The following CELF6 variants were observed in gnomAD, a reference collection of about 807,000 sequenced individuals.
The protein encoded by CELF6 is Bruno -like 6, RNA binding protein.
CELF6 carries 32 observed loss-of-function variants against 53.1 expected under a neutral mutation model. The ratio of observed to expected loss-of-function variants is 0.60; its 90% confidence interval spans 0.46 to 0.81. CELF6 has a LOEUF of 0.81. Ranked by LOEUF, CELF6 falls within the 30% of genes least tolerant of loss-of-function variation. CELF6 has a pLI of 0.00. For missense variants in CELF6, 539 were observed against 669.5 expected (o/e 0.81, Z 2.15); for synonymous variants, 291 against 288.8 (o/e 1.01, Z -0.08).
intron 2 of CELF6, among the ~76,000 whole-genome samples, chr15:72,309,440 G>C (rs2088269533): frequency 6.6e-6 from 1 of 152,206 alleles, no homozygotes; most frequent in African/African-American, 2.4e-5. Context: ...GTGGACCCGG[G>C]AAGAGGAGGG....
At position 72,319,498 on chromosome 15, in the gene CELF6, G is replaced by A; in HGVS notation, c.262+115C>T. The stretch of plus-strand genomic sequence containing the variant: ...AAGGGGGCTGGGCTGAGGTGGGGCT[G>A]ATATTGGACTGGTGTTGGACTGGCT... On this transcript the variant is annotated intron_variant, in intron 1 of 12. Transcript: ENST00000287202. This position sits in a 1 kb window ranked among gnomAD's most constrained non-coding sequence, Gnocchi z 5.0. 8.7e-7 allele frequency: 1 copy of A among 1,154,714 alleles called. No individual in the cohort carries two copies. The highest frequency in any genetic ancestry group is 2.7e-5 in the East Asian group (1 of 37,220). The allele number at this position is 1,154,714 out of a possible 1,614,324, so 71.5% of individuals were successfully genotyped here.
Position 72,304,738 on chromosome 15 carries a change from G to A in CELF6, c.394+8C>T, listed in dbSNP as rs757365450. The A allele has an allele frequency of 8.7e-6, 14 of 1,614,026 alleles. No individual in the cohort carries two copies. Among genetic ancestry groups the A allele is most frequent in the Non-Finnish European group, 1.1e-5 (13 of 1,179,888 alleles). On this transcript the variant is annotated splice_region_variant and intron_variant, in intron 3 of 12. Transcript: ENST00000287202. ...TGCAGCCTGAGGTTGGTCAGACAGGGAAGTTACCTCCTCGGCCCTCACTGG... is the reference window on the plus strand; with the variant it reads ...TGCAGCCTGAGGTTGGTCAGACAGGAAAGTTACCTCCTCGGCCCTCACTGG...
rs545299969 is a variant in CELF6, at chr15:72,320,065, G to T, written c.-191C>A. The T allele has an allele frequency of 3.8e-5, 24 of 627,014 alleles. No homozygotes were observed. The African/African-American group carries it at 4.0e-4, about 10-fold the overall frequency. 38.8% of individuals were successfully genotyped at this position (627,014 alleles called of 1,614,324 possible). A position where few individuals can be genotyped will look rare whatever the true frequency, so the allele number is the denominator to read the frequency against. On this transcript the variant is annotated 5_prime_UTR_variant, in exon 1 of 13. Transcript: ENST00000287202. The stretch of plus-strand genomic sequence containing the variant: ...GGGCGGGCAGGAAAGGGGCGGGGCC[G>T]GGGCGGGGCGGGCCCGGGCCGAGGT...
intron 12 of CELF6, among the ~76,000 whole-genome samples, chr15:72,286,603 C>T (rs2087925683): frequency 6.6e-6 from 1 of 152,214 alleles, no homozygotes; most frequent in Non-Finnish European, 1.5e-5. Flanking sequence ...TGAGGCAGGG[C>T]CATGTGGGCC....
chr15:72,287,184 G>T, intron 12 of CELF6, 53 bp downstream of exon 12: 1 of 1,522,136 alleles, frequency 6.6e-7, no homozygotes, highest in Non-Finnish European at 8.9e-7. Flanking sequence ...CATCAAAGCT[G>T]GGAGGGCCTC....
chr15:72,320,004 G>A lies in CELF6; in HGVS notation c.-130C>T. ...GCGGAGAGGGCGGGGGGCTGCCCAG[G>A]GGGCGGGGTCCGGGTGGAGGGGCGT... On this transcript the variant is annotated 5_prime_UTR_variant, in exon 1 of 13. Coordinates refer to ENST00000287202, the MANE Select transcript of CELF6 (RefSeq NM_052840.5). The A allele has an allele frequency of 9.7e-7, 1 of 1,026,340 alleles. No homozygotes were observed. Among genetic ancestry groups the A allele is most frequent in the Non-Finnish European group, 1.4e-6 (1 of 730,722 alleles). The allele number at this position is 1,026,340 out of a possible 1,614,324, so 63.6% of individuals were successfully genotyped here. A position where few individuals can be genotyped will look rare whatever the true frequency, so the allele number is the denominator to read the frequency against.
In CELF6 at chr15:72,300,079, G is replaced by T. The variant is rs972822963; in HGVS notation, c.394+4667C>A. ...TTAAAAGTAATACAACAGGGGCCGG[G>T]CACGGTGGTTCTTGCCTGTAATCCC... On this transcript the variant is annotated intron_variant, in intron 3 of 12. Coordinates refer to ENST00000287202, the MANE Select transcript of CELF6 (RefSeq NM_052840.5). Among the ~76,000 whole-genome samples the T allele has an allele frequency of 2.0e-5, 3 of 152,296 alleles. 1 individual carries two copies. In the South Asian group the frequency reaches 6.2e-4, roughly 32 times the overall value.
intron 1 of CELF6, among the ~76,000 whole-genome samples, chr15:72,316,728 C>T (rs2088368582): frequency 6.6e-6 from 1 of 152,192 alleles, no homozygotes; most frequent in South Asian, 2.1e-4. Flanking sequence ...CTAGGAAGCA[C>T]TGAAGCAGCA....
In CELF6 at chr15:72,289,487, G is replaced by C; in HGVS notation, c.768C>G (p.Ala256=). The change falls in exon 7 of 13, where the codon GCC becomes GCG. Residue 256 remains alanine (A), a synonymous_variant. Coordinates refer to ENST00000287202, the MANE Select transcript of CELF6 (RefSeq NM_052840.5). This position sits in a 1 kb window ranked among gnomAD's most constrained non-coding sequence, Gnocchi z 7.6. ...YTTAILQHQA[A]LLAAAQGPGL... Reference sequence around the variant, plus strand: ...CTGGGCCCTGTGCCGCCGCCAGCAGGGCCGCCTGGTGCTGCAGGATCTTTG... The same window carrying C: ...CTGGGCCCTGTGCCGCCGCCAGCAGCGCCGCCTGGTGCTGCAGGATCTTTG... 1 of 1,526,820 alleles carries C rather than the reference G, an allele frequency of 6.5e-7. No individual in the cohort carries two copies. 94.6% of individuals were successfully genotyped at this position (1,526,820 alleles called of 1,614,324 possible). A position where few individuals can be genotyped will look rare whatever the true frequency, so the allele number is the denominator to read the frequency against.
At chr15:72,287,718 G>C (rs1465716978) in intron 11 of CELF6, among the ~76,000 whole-genome samples, 1 of 152,188 alleles carries the variant, frequency 6.6e-6, no homozygotes, top group Non-Finnish European at 1.5e-5. Flanking sequence ...AGTTGGAGGG[G>C]ATCTTTGGTC....
chr15:72,313,662 A>C (rs1189342868), intron 2 of CELF6: 19 of 637,326 alleles, frequency 3.0e-5, no homozygotes, highest in Non-Finnish European at 3.7e-5. Context: ...TTTCACACCC[A>C]CCTGTTCCTT....
At chr15:72,290,413 A>G (rs753401822) in intron 3 of CELF6, among the ~76,000 whole-genome samples, 158 bp from the exon 4 acceptor site, 4 of 152,062 alleles carry the variant, frequency 2.6e-5, no homozygotes, top group Non-Finnish European at 5.9e-5. Flanking sequence ...ATTGAGGGGC[A>G]GGATCTGGGG....
In CELF6 at chr15:72,289,204, T is replaced by A. The variant is rs1327396168; in HGVS notation, c.964A>T (p.Thr322Ser). 1.9e-6 allele frequency: 3 copies of A among 1,568,620 alleles called. No individual in the cohort carries two copies. Among genetic ancestry groups the A allele is most frequent in the Non-Finnish European group, 2.6e-6 (3 of 1,165,894 alleles). ...PIGVNGFGPLTPQTNGQPGSD... is the reference protein window; with the variant it reads ...PIGVNGFGPLSPQTNGQPGSD... ...CCCGGCTGGCCATTGGTCTGGGGGG[T>A]CAGAGGGCCGAATCCATTGACCCCG... Residue 322 changes from threonine to serine, a missense_variant, in exon 8 of 13, where the codon ACC becomes TCC. Thr to Ser is a moderately conservative substitution (Grantham distance 58). Coordinates refer to ENST00000287202, the MANE Select transcript of CELF6 (RefSeq NM_052840.5). The surrounding 1 kb of genome is among the most constrained non-coding windows in gnomAD (Gnocchi z 7.6).
intron 3 of CELF6, chr15:72,292,177 A>G: frequency 1.3e-6 from 2 of 1,521,104 alleles, no homozygotes; most frequent in Non-Finnish European, 1.8e-6. Flanking sequence ...GCTCCAAGGA[A>G]AGCCCTTTGA....
At chr15:72,302,624 C>T (rs2088173978) in intron 3 of CELF6, among the ~76,000 whole-genome samples, 1 of 152,174 alleles carries the variant, frequency 6.6e-6, no homozygotes, top group Non-Finnish European at 1.5e-5. Flanking sequence ...GCATGGAGGC[C>T]CCCTTTGTGC....
chr15:72,296,071 A>T (rs926736784), intron 3 of CELF6, among the ~76,000 whole-genome samples: 4 of 152,146 alleles, frequency 2.6e-5, no homozygotes, highest in Non-Finnish European at 4.4e-5. Flanking sequence ...CCAGAAATAA[A>T]CTCTCTTACA....
intron 2 of CELF6, chr15:72,313,754 G>T (rs918953537): frequency 1.0e-6 from 1 of 981,716 alleles, no homozygotes; most frequent in Non-Finnish European, 1.2e-6. Context: ...AGAAGCAGAA[G>T]TCATTTGCTC....
chr15:72,288,523 C>T lies in CELF6; in HGVS notation c.1174+15G>A. The T allele has an allele frequency of 1.9e-6, 3 of 1,610,266 alleles. No homozygotes were observed. The highest frequency in any genetic ancestry group is 1.7e-6 in the Non-Finnish European group (2 of 1,177,540). On this transcript the variant is annotated intron_variant, in intron 10 of 12. Transcript: ENST00000287202. The surrounding 1 kb of genome is among the most constrained non-coding windows in gnomAD (Gnocchi z 4.6). ...AGCCCCACCAGGTTCTGCTGTCCAG[C>T]CCCCAGTCCCTCACCTTCTCTCTGC...
Position 72,289,660 on chromosome 15 carries a change from C to A in CELF6, c.714G>T (p.Leu238=). Residue 238 remains leucine (L), a synonymous_variant, in exon 6 of 13, where the codon CTG becomes CTT. Transcript: ENST00000287202. This position sits in a 1 kb window ranked among gnomAD's most constrained non-coding sequence, Gnocchi z 7.6. ...TGTAGGCGCCGCAGGCCCCTAGCGG[C>A]AGTGGCGCGGGGTGGAAGGCGCCCA... ...GHLGAFHPAP[L]PLGACGAYTT... is the part of the protein sequence containing the mutation. 6.7e-7 allele frequency: 1 copy of A among 1,501,180 alleles called. No homozygotes were observed. Among genetic ancestry groups the A allele is most frequent in the Non-Finnish European group, 8.8e-7 (1 of 1,134,158 alleles). The allele number at this position is 1,501,180 out of a possible 1,614,324, so 93.0% of individuals were successfully genotyped here.
Sources: gnomAD v4.1 joint callset for allele counts (sites outside exome capture counted in the v4.1 genomes callset) on GRCh38, gnomAD v4.1.1 for gene constraint, Gnocchi (gnomAD v3.1) non-coding constraint, MANE v1.5 for transcripts, NCBI Gene and HGNC (gene_info 2026-07-23, HGNC 2026-07-21) for gene names.